The following ITSN1 variants were observed in gnomAD, a reference collection of about 807,000 sequenced individuals.
The protein encoded by ITSN1 is intersectin-1.
In ITSN1, 58 loss-of-function variants were observed where a neutral mutation model predicts 239.8. The observed-to-expected ratio is 0.24, with a 90% confidence interval of 0.20 to 0.30. The LOEUF is 0.30. ITSN1 is among the 10% of genes least tolerant of loss of function. The pLI is 1.00. For synonymous variants in ITSN1, 780 were observed against 770.8 expected (o/e 1.01, Z -0.20); for missense variants, 1,558 against 2,103.3 (o/e 0.74, Z 5.07).
intron 1 of ITSN1, among the ~76,000 whole-genome samples, chr21:33,701,803 A>AT (rs2092023649): frequency 6.6e-6 from 1 of 151,782 alleles, no homozygotes; most frequent in Admixed American, 6.6e-5. Context: ...TCAAAAAAAA[A>AT]AAGGCCGGAA....
intron 29 of ITSN1, among the ~76,000 whole-genome samples, chr21:33,851,694 C>T (rs111491853): frequency 0.022 from 3,309 of 150,868 alleles, 137 homozygotes; most frequent in African/African-American, 0.077. Context: ...CCACTGCACC[C>T]GGCCTGGGCT....
intron 1 of ITSN1, among the ~76,000 whole-genome samples, chr21:33,691,156 T>A (rs1367823916): frequency 6.6e-6 from 1 of 152,128 alleles, no homozygotes; most frequent in Non-Finnish European, 1.5e-5. Context: ...TTTCTGTTCC[T>A]GTTCTAAATA....
chr21:33,688,025 C>A (rs117425890), intron 1 of ITSN1, among the ~76,000 whole-genome samples: 22 of 151,610 alleles, frequency 1.5e-4, no homozygotes, highest in Non-Finnish European at 2.8e-4. Context: ...TTTCAAAAAG[C>A]TGCTTTGTCT....
At chr21:33,842,540 G>A (rs975778802) in intron 29 of ITSN1, among the ~76,000 whole-genome samples, 71 of 151,740 alleles carry the variant, frequency 4.7e-4, no homozygotes, top group Middle Eastern at 6.8e-3. Flanking sequence ...GACAGGCAGT[G>A]AGCAGCAACT....
chr21:33,851,195 G>T (rs146556860), intron 29 of ITSN1, among the ~76,000 whole-genome samples: 1 of 151,920 alleles, frequency 6.6e-6, no homozygotes, highest in South Asian at 2.1e-4. Context: ...CAGTGTCTCC[G>T]CGTCGACCTG....
chr21:33,818,352 A>C lies in ITSN1; in HGVS notation c.2813A>C (p.Asp938Ala). 1 of 1,614,238 alleles carries C rather than the reference A, an allele frequency of 6.2e-7. No homozygotes were observed. The highest frequency in any genetic ancestry group is 8.5e-7 in the Non-Finnish European group (1 of 1,180,028). Residue 938 changes from aspartate to alanine, a missense_variant, in exon 23 of 40, where the codon GAT becomes GCT. By Grantham distance (126) the Asp-to-Ala change is moderately radical. Around this residue, in one of 2 missense-constraint regions of ITSN1, gnomAD observed 982 missense variants for 1,209.9 expected, o/e 0.81. Coordinates refer to ENST00000381318, the MANE Select transcript of ITSN1 (RefSeq NM_003024.3). ...AACCACTTAAATTTTAACAAAAATG[A>C]TGTCATCACCGTCCTGGAACAGCAA... ...KDNHLNFNKNDVITVLEQQDM... is the reference protein window; with the variant it reads ...KDNHLNFNKNAVITVLEQQDM...
chr21:33,663,896 C>T (rs995837549), intron 1 of ITSN1, among the ~76,000 whole-genome samples: 4 of 152,154 alleles, frequency 2.6e-5, no homozygotes, highest in African/African-American at 9.7e-5. Flanking sequence ...CCACCACACC[C>T]GGCCTCTGAT....
intron 31 of ITSN1, among the ~76,000 whole-genome samples, chr21:33,864,363 T>G (rs1380348238): frequency 6.6e-6 from 1 of 152,182 alleles, no homozygotes; most frequent in Non-Finnish European, 1.5e-5. Flanking sequence ...ATAAGCTCAG[T>G]GCCATGCCCT....
intron 1 of ITSN1, among the ~76,000 whole-genome samples, chr21:33,710,979 T>C (rs762417419): frequency 2.0e-5 from 3 of 151,952 alleles, no homozygotes; most frequent in African/African-American, 2.4e-5. Context: ...CTAATTATTG[T>C]ATTTTTAGTA....
At chr21:33,844,273 TG>T (rs1396529737) in intron 29 of ITSN1, among the ~76,000 whole-genome samples, 1 of 152,124 alleles carries the variant, frequency 6.6e-6, no homozygotes, top group Admixed American at 6.5e-5. Flanking sequence ...TTGGTTGATG[TG>T]GACAAGCTGC....
In ITSN1 at chr21:33,765,865, TG is replaced by T. The variant is rs2068687587; in HGVS notation, c.789-9del. ...TGAAACCGGATTACAGTTAACTTTT[TG>T]TTGAATAGGAATCTTTCTGACATTG... On this transcript the variant is annotated splice_polypyrimidine_tract_variant and intron_variant, in intron 9 of 39. Coordinates refer to ENST00000381318, the MANE Select transcript of ITSN1 (RefSeq NM_003024.3). The T allele has an allele frequency of 6.2e-7, 1 of 1,613,854 alleles. No homozygotes were observed. The highest frequency in any genetic ancestry group is 1.1e-5 in the South Asian group (1 of 91,068).
At chr21:33,806,280 TC>T (rs2072444333) in intron 20 of ITSN1, among the ~76,000 whole-genome samples, 1 of 152,148 alleles carries the variant, frequency 6.6e-6, no homozygotes, top group South Asian at 2.1e-4. Context: ...AACCGGCAAA[TC>T]CATGGAAAAT....
At chr21:33,690,467 G>A (rs1319690348) in intron 1 of ITSN1, among the ~76,000 whole-genome samples, 1 of 151,160 alleles carries the variant, frequency 6.6e-6, no homozygotes, top group Admixed American at 6.6e-5. Flanking sequence ...GGTCATGGTG[G>A]CGGGTGCCTG....
intron 1 of ITSN1, among the ~76,000 whole-genome samples, chr21:33,694,015 T>C (rs1037132017): frequency 6.6e-6 from 1 of 152,232 alleles, no homozygotes; most frequent in African/African-American, 2.4e-5. Context: ...TTTCATTATA[T>C]GGATATATCT....
intron 1 of ITSN1, among the ~76,000 whole-genome samples, chr21:33,670,649 T>A (rs2090212080): frequency 6.6e-6 from 1 of 152,150 alleles, no homozygotes; most frequent in Admixed American, 6.5e-5. Context: ...CAGACAACAC[T>A]CTCTTTTTGT....
intron 5 of ITSN1, among the ~76,000 whole-genome samples, chr21:33,741,380 T>C (rs1193631549): frequency 2.0e-5 from 3 of 152,204 alleles, no homozygotes; most frequent in Admixed American, 2.0e-4. Flanking sequence ...TTTGGAATTC[T>C]AAAACTGACA....
intron 29 of ITSN1, among the ~76,000 whole-genome samples, chr21:33,846,942 G>A (rs2075006862): frequency 6.6e-6 from 1 of 152,156 alleles, no homozygotes; most frequent in Admixed American, 6.5e-5. Flanking sequence ...CTTCAGTACT[G>A]TCTATTTATG....
At chr21:33,660,255 A>T (rs190829176) in intron 1 of ITSN1, among the ~76,000 whole-genome samples, 2 of 152,242 alleles carry the variant, frequency 1.3e-5, no homozygotes, top group African/African-American at 4.8e-5. Flanking sequence ...CCACAATAAG[A>T]TCTTTCCCCG....
intron 1 of ITSN1, among the ~76,000 whole-genome samples, chr21:33,660,596 A>G (rs2089475992): frequency 6.6e-6 from 1 of 152,208 alleles, no homozygotes; most frequent in African/African-American, 2.4e-5. Flanking sequence ...TCCTGTAGTC[A>G]GTTTGTTGTG....
Sources: allele counts gnomAD v4.1 joint callset (sites outside exome capture counted in the v4.1 genomes callset), GRCh38; gene constraint gnomAD v4.1.1; regional missense constraint gnomAD v4.1.1; transcripts MANE v1.5; gene names NCBI Gene and HGNC (gene_info 2026-07-23, HGNC 2026-07-21).